IQCB1: variants seen among roughly 807,000 people sequenced by gnomAD.
IQCB1 encodes IQ motif containing B1, also known as IQ calmodulin-binding motif-containing protein 1.
IQCB1 carries 56 observed loss-of-function variants against 84.4 expected under a neutral mutation model. The ratio of observed to expected loss-of-function variants is 0.66; its 90% CI spans 0.54 to 0.83. The LOEUF (loss-of-function observed/expected upper bound fraction) is 0.83. IQCB1 is among the 40% of genes least tolerant of loss of function. The pLI is 0.00. For missense variants in IQCB1, 629 were observed against 682.1 expected (o/e 0.92, Z 0.87); for synonymous variants, 210 against 234.8 (o/e 0.89, Z 0.96).
chr3:121,772,417 G>C, intron 14 of IQCB1, 140 bp downstream of exon 14: 3 of 792,504 alleles, frequency 3.8e-6, no homozygotes, highest in South Asian at 2.8e-5. Context: ...TTGTGTGCTG[G>C]TCTGATCTAT....
intron 6 of IQCB1, 72 bp downstream of exon 6, chr3:121,808,844 G>T: frequency 1.1e-6 from 1 of 913,988 alleles, no homozygotes; most frequent in Non-Finnish European, 1.8e-6. Context: ...ATTTGTTTTT[G>T]GAAAAAACGA....
intron 5 of IQCB1, among the ~76,000 whole-genome samples, chr3:121,812,334 C>T (rs2108603891): frequency 6.6e-6 from 1 of 152,298 alleles, no homozygotes; most frequent in Middle Eastern, 3.4e-3. Flanking sequence ...CACAAAAAGG[C>T]TGAACATTCC....
At chr3:121,797,001 T>C in intron 9 of IQCB1, 117 bp downstream of exon 9, 1 of 720,254 alleles carries the variant, frequency 1.4e-6, no homozygotes, top group Non-Finnish European at 2.5e-6. Flanking sequence ...ATATTTCTGT[T>C]TTGGGGGTAT....
Position 121,828,541 on chromosome 3 carries a change from C to T in IQCB1, c.192G>A (p.Leu64=). 1 of 1,611,022 alleles carries T rather than the reference C, an allele frequency of 6.2e-7. No individual in the cohort carries two copies. The highest frequency in any genetic ancestry group is 1.1e-5 in the South Asian group (1 of 91,020). Reference sequence around the variant, plus strand: ...TTCGAGAATAATCTTGACTGAGGACCAAGAGGCAATATTGAATGAGATCAT... The same window carrying T: ...TTCGAGAATAATCTTGACTGAGGACTAAGAGGCAATATTGAATGAGATCAT... ...YCYDLIQYCL[L]VLSQDYSRIQ... The change falls in exon 4 of 15, where the codon TTG becomes TTA. Residue 64 remains leucine, a synonymous_variant. Coordinates refer to ENST00000310864, the MANE Select transcript of IQCB1 (RefSeq NM_001023570.4).
In IQCB1 at chr3:121,781,834, A is replaced by G. The variant is rs749515337; in HGVS notation, c.1319T>C (p.Leu440Pro). 1.1e-5 allele frequency: 17 copies of G among 1,613,922 alleles called. No individual in the cohort carries two copies. Among genetic ancestry groups the G allele is most frequent in the Non-Finnish European group, 1.4e-5 (16 of 1,179,864 alleles). ...FLAKCRKKKK[L>P]FAPWRGLQEL... ...TTGGAGTCCTCGCCAAGGAGCAAAT[A>G]GTTTCTTTTTCTTACGGCACTTCGC... Residue 440 changes from leucine (L) to proline (P), a missense_variant, in exon 13 of 15, where the codon CTA becomes CCA. Leu to Pro is a moderately conservative substitution (Grantham distance 98). Transcript: ENST00000310864.
At chr3:121,780,659 T>C (rs12492861) in intron 13 of IQCB1, among the ~76,000 whole-genome samples, 15,665 of 152,284 alleles carry the variant, frequency 0.1, 852 homozygotes, top group South Asian at 0.15. Flanking sequence ...ACCAGATACA[T>C]GCTCAGCTAC....
chr3:121,833,536 G>A (rs1157981447), intron 2 of IQCB1, among the ~76,000 whole-genome samples: 1 of 152,182 alleles, frequency 6.6e-6, no homozygotes, highest in Non-Finnish European at 1.5e-5. Context: ...TATGTGCAGA[G>A]CAGTATGGTA....
At chr3:121,834,833 G>A (rs533481644) in intron 1 of IQCB1, 133 bp downstream of exon 1, 40 of 240,952 alleles carry the variant, frequency 1.7e-4, no homozygotes, top group Non-Finnish European at 2.7e-4. Context: ...CAGAGTGGGC[G>A]TGAGGGCAGG....
chr3:121,803,374 A>T (rs187943100), intron 7 of IQCB1, among the ~76,000 whole-genome samples: 1 of 152,172 alleles, frequency 6.6e-6, no homozygotes, highest in East Asian at 1.9e-4. Context: ...TTGAGACTTT[A>T]TTTATGGCTC....
chr3:121,834,731 G>A (rs960881085), intron 1 of IQCB1, among the ~76,000 whole-genome samples: 1 of 152,182 alleles, frequency 6.6e-6, no homozygotes, highest in Non-Finnish European at 1.5e-5. Flanking sequence ...TTCTAGACCC[G>A]GCTTTCGCGC....
chr3:121,796,730 G>A (rs1949207197), intron 9 of IQCB1, among the ~76,000 whole-genome samples: 1 of 152,080 alleles, frequency 6.6e-6, no homozygotes, highest in Non-Finnish European at 1.5e-5. Context: ...ATCAGAGATG[G>A]GGCTTTCATG....
At chr3:121,782,808 T>G (rs1434681161) in intron 12 of IQCB1, among the ~76,000 whole-genome samples, 1 of 152,080 alleles carries the variant, frequency 6.6e-6, no homozygotes, top group Admixed American at 6.6e-5. Flanking sequence ...GCCCCCTGAG[T>G]AGCTGGGATT....
rs1220816364 is a variant in IQCB1, at chr3:121,828,638, G to A, written c.101-6C>T. Reference sequence around the variant, plus strand: ...AGGTGTGATGTTTATTATTTCTAAGGCAAAAGGAAATAAGATATATTTATT... The same window carrying A: ...AGGTGTGATGTTTATTATTTCTAAGACAAAAGGAAATAAGATATATTTATT... On this transcript the variant is annotated splice_polypyrimidine_tract_variant and splice_region_variant and intron_variant, in intron 3 of 14. Coordinates refer to ENST00000310864, the MANE Select transcript of IQCB1 (RefSeq NM_001023570.4). The A allele has an allele frequency of 1.9e-6, 3 of 1,577,724 alleles. No homozygotes were observed. The highest frequency in any genetic ancestry group is 2.7e-5 in the African/African-American group (2 of 74,026).
intron 7 of IQCB1, among the ~76,000 whole-genome samples, chr3:121,805,014 G>A (rs1240470404): frequency 1.3e-5 from 2 of 152,062 alleles, no homozygotes; most frequent in Non-Finnish European, 2.9e-5. Context: ...CTCAGATATT[G>A]TAGATTTCAT....
In IQCB1 at chr3:121,799,389, TA is replaced by T. The variant is rs574290389; in HGVS notation, c.588-16del. On this transcript the variant is annotated splice_polypyrimidine_tract_variant and intron_variant, in intron 7 of 14. Coordinates refer to ENST00000310864, the MANE Select transcript of IQCB1 (RefSeq NM_001023570.4). The stretch of plus-strand genomic sequence containing the variant: ...GTAAATCACCACTAATAGAACAAAA[TA>T]AAAAAAAAAGTACCATTACTAATTG... 4,005 of 1,326,808 alleles carry T rather than the reference TA, an allele frequency of 3.0e-3. 5 individuals are homozygous for T. Among genetic ancestry groups the T allele is most frequent in the South Asian group, 6.7e-3 (495 of 74,198 alleles). 82.2% of individuals were successfully genotyped at this position (1,326,808 alleles called of 1,614,324 possible).
At chr3:121,789,894 G>C (rs1183454402) in intron 11 of IQCB1, among the ~76,000 whole-genome samples, 179 bp downstream of exon 11, 2 of 151,990 alleles carry the variant, frequency 1.3e-5, no homozygotes, top group African/African-American at 4.8e-5. Flanking sequence ...TAATAGGTCT[G>C]AATTGAAAAA....
rs201220723 is a variant in IQCB1, at chr3:121,788,702, T to TA, written c.1130-271dup. Among the ~76,000 whole-genome samples, 1,652 of 124,396 alleles carry TA rather than the reference T, an allele frequency of 0.013. 16 individuals carry two copies. The highest frequency in any genetic ancestry group is 0.041 in the African/African-American group (1,377 of 33,802). 81.6% of individuals were successfully genotyped at this position (124,396 alleles called of 152,430 possible). A position where few individuals can be genotyped will look rare whatever the true frequency, so the allele number is the denominator to read the frequency against. ...GCTGAAAATCCAATACAAAGAACAC[T>TA]AAAAAAAAAAAAAAAAATTCCTAAG... On this transcript the variant is annotated intron_variant, in intron 11 of 14. Coordinates refer to ENST00000310864, the MANE Select transcript of IQCB1 (RefSeq NM_001023570.4).
chr3:121,794,953 G>A (rs1200879151), intron 10 of IQCB1, among the ~76,000 whole-genome samples: 2 of 152,056 alleles, frequency 1.3e-5, no homozygotes, highest in East Asian at 1.9e-4. Flanking sequence ...GGAGGATCTG[G>A]ATTGGTTAAG....
At chr3:121,805,302 G>A (rs1949563914) in intron 7 of IQCB1, among the ~76,000 whole-genome samples, 1 of 152,046 alleles carries the variant, frequency 6.6e-6, no homozygotes, top group South Asian at 2.1e-4. Context: ...ATGCAGTACT[G>A]CAAGTAGTTA....
Sources: allele counts gnomAD v4.1 joint callset (sites outside exome capture counted in the v4.1 genomes callset), GRCh38; gene constraint gnomAD v4.1.1; transcripts MANE v1.5; gene names NCBI Gene and HGNC (gene_info 2026-07-23, HGNC 2026-07-21).